GBP6: variants seen among roughly 807,000 people sequenced by gnomAD.
GBP6 encodes guanylate-binding protein 6.
Under a neutral mutation model 61.5 loss-of-function variants are expected in GBP6, and 54 were observed. That is an observed-to-expected ratio of 0.88 (90% CI 0.71 to 1.10). The LOEUF (loss-of-function observed/expected upper bound fraction) is 1.10, where lower values mean the gene tolerates loss of function less well. GBP6 is among the 50% of genes least tolerant of loss of function. GBP6 has a pLI of 0.00. For synonymous variants in GBP6, 255 were observed against 273.7 expected (o/e 0.93, Z 0.67); for missense variants, 748 against 752.8 (o/e 0.99, Z 0.07).
At chr1:89,376,975 A>G (rs1055728724) in intron 3 of GBP6, among the ~76,000 whole-genome samples, 2 of 152,140 alleles carry the variant, frequency 1.3e-5, no homozygotes, top group African/African-American at 4.8e-5. Context: ...ATCCTCATTG[A>G]TTACTTTTTT....
rs1653184724 is a variant in GBP6 at position 89,387,995 on chromosome 1, G to A, written c.*2526G>A. Among the ~76,000 whole-genome samples, 1 of 152,112 alleles carries A rather than the reference G, an allele frequency of 6.6e-6. No homozygotes were observed. The highest frequency in any genetic ancestry group is 1.5e-5 in the Non-Finnish European group (1 of 68,012). On this transcript the variant is annotated 3_prime_UTR_variant, in exon 11 of 11. Transcript: ENST00000370456. Reference sequence around the variant, plus strand: ...TATGAGAAGAAAATAAATTTTCCTGGTATAGTGTCCTTCTCTAGACCTCAT... The same window carrying A: ...TATGAGAAGAAAATAAATTTTCCTGATATAGTGTCCTTCTCTAGACCTCAT...
chr1:89,369,136 T>A (rs1233941503), intron 2 of GBP6, among the ~76,000 whole-genome samples: 1 of 152,204 alleles, frequency 6.6e-6, no homozygotes, highest in Non-Finnish European at 1.5e-5. Flanking sequence ...CACCAACTTC[T>A]GTTTTGTTTT....
intron 6 of GBP6, among the ~76,000 whole-genome samples, chr1:89,381,378 G>A (rs114399500): frequency 0.014 from 2,195 of 151,520 alleles, 60 homozygotes; most frequent in African/African-American, 0.051. Context: ...GATTTACCCT[G>A]CCTCATTTTA....
At chr1:89,377,962 C>A in intron 3 of GBP6, 141 bp from the exon 4 acceptor site, 1 of 716,658 alleles carries the variant, frequency 1.4e-6, no homozygotes, top group Non-Finnish European at 2.3e-6. Context: ...TTGTAACAAA[C>A]TGTTGTTTAC....
chr1:89,375,884 A>G (rs1570465868), intron 3 of GBP6, among the ~76,000 whole-genome samples: 1 of 152,114 alleles, frequency 6.6e-6, no homozygotes, highest in East Asian at 1.9e-4. Context: ...TTACGGCTTC[A>G]TATCTTTTTT....
In GBP6 at chr1:89,378,572, C is replaced by T. The variant is rs1415320555; in HGVS notation, c.584C>T (p.Thr195Ile). The T allele has an allele frequency of 1.9e-6, 3 of 1,613,760 alleles. No homozygotes were observed. Among genetic ancestry groups the T allele is most frequent in the African/African-American group, 2.7e-5 (2 of 74,890 alleles). Residue 195 changes from threonine to isoleucine, a missense_variant, in exon 5 of 11, where the codon ACA becomes ATA. Coordinates refer to ENST00000370456, the MANE Select transcript of GBP6 (RefSeq NM_198460.3). ...CTGAAGTTGAACGGTCACCCTATCA[C>T]AGAAGATGAATACCTGGAGAATGCC... ...LELKLNGHPITEDEYLENALK... is the reference protein window; with the variant it reads ...LELKLNGHPIIEDEYLENALK...
intron 3 of GBP6, among the ~76,000 whole-genome samples, chr1:89,373,668 G>A (rs1252841549): frequency 2.0e-5 from 3 of 152,088 alleles, no homozygotes; most frequent in Non-Finnish European, 4.4e-5. Context: ...CCTGTCGTGA[G>A]GTGGCAGGAG....
At position 89,368,727 on chromosome 1, in the gene GBP6, C is replaced by A. The variant is rs778181262; in HGVS notation, c.176C>A (p.Ala59Glu). Residue 59 changes from alanine (A) to glutamate (E), a missense_variant, in exon 2 of 11, where the codon GCA (alanine) becomes GAA (glutamate). Physicochemically the swap from Ala to Glu is moderately radical, Grantham distance 107. Transcript: ENST00000370456. Reference sequence around the variant, plus strand: ...AAATCCTACTTGATGAACCATCTGGCAGGACAGAATCATGGTAAGTGGTAT... The same window carrying A: ...AAATCCTACTTGATGAACCATCTGGAAGGACAGAATCATGGTAAGTGGTAT... ...TGKSYLMNHLAGQNHGFPLGS... is the reference protein window; with the variant it reads ...TGKSYLMNHLEGQNHGFPLGS... The A allele has an allele frequency of 2.5e-6, 4 of 1,612,940 alleles. No homozygotes were observed. The South Asian group carries it at 4.4e-5, about 18-fold the overall frequency.
intron 6 of GBP6, 62 bp downstream of exon 6, chr1:89,380,693 T>C (rs1652953364): frequency 6.6e-7 from 1 of 1,508,466 alleles, no homozygotes; most frequent in East Asian, 2.3e-5. Flanking sequence ...GTATAATGTG[T>C]TTCTCAGAAT....
At position 89,378,214 on chromosome 1, in the gene GBP6, T is replaced by C. The variant is rs1652861289; in HGVS notation, c.428+2T>C. On this transcript the variant is annotated splice_donor_variant, in intron 4 of 10. Coordinates refer to ENST00000370456, the MANE Select transcript of GBP6 (RefSeq NM_198460.3). LOFTEE classifies it high-confidence loss of function. ...CCACCAGGCCCTGGAGCAGCTGCAGTATCCTTCCAGGAACAGAACAGAACC... is the reference window on the plus strand; with the variant it reads ...CCACCAGGCCCTGGAGCAGCTGCAGCATCCTTCCAGGAACAGAACAGAACC... 2 of 1,607,916 alleles carry C rather than the reference T, an allele frequency of 1.2e-6. No homozygotes were observed. Among genetic ancestry groups the C allele is most frequent in the African/African-American group, 2.7e-5 (2 of 74,468 alleles).
intron 7 of GBP6, among the ~76,000 whole-genome samples, chr1:89,382,388 C>A (rs561324303): frequency 6.6e-6 from 1 of 152,162 alleles, no homozygotes; most frequent in Non-Finnish European, 1.5e-5. Flanking sequence ...CAGGATGATA[C>A]CATTGCAACA....
intron 10 of GBP6, 129 bp downstream of exon 10, chr1:89,384,415 G>C: frequency 3.0e-6 from 2 of 663,478 alleles, no homozygotes; most frequent in South Asian, 2.4e-5. Flanking sequence ...ATCACTAAAA[G>C]CCCTGAATCC....
In GBP6 at chr1:89,381,796, C is replaced by G. The variant is rs751920580; in HGVS notation, c.974C>G (p.Ala325Gly). 16 of 1,614,132 alleles carry G rather than the reference C, an allele frequency of 9.9e-6. No individual in the cohort carries two copies. Among genetic ancestry groups the G allele is most frequent in the Non-Finnish European group, 1.4e-5 (16 of 1,180,008 alleles). Residue 325 changes from alanine to glycine, a missense_variant, in exon 7 of 11, where the codon GCG becomes GGG. Physicochemically the swap from Ala to Gly is moderately conservative, Grantham distance 60. Transcript: ENST00000370456. ...ACTCTGGCCCAGCGTGAGAACTCAG[C>G]GGCCGTGCAGAGGGCAGCTGACTAC... ...VITLAQRENS[A>G]AVQRAADYYS...
Position 89,385,562 on chromosome 1 carries a change from CT to C in GBP6, c.*95del. On this transcript the variant is annotated 3_prime_UTR_variant, in exon 11 of 11. Transcript: ENST00000370456. ...GCAAGTTTTTTTTTTTTTTCAGAGT[CT>C]TACTCTGTTGCCCAGGCTGGAGTAC... 1 of 1,140,148 alleles carries C rather than the reference CT, an allele frequency of 8.8e-7. No individual in the cohort carries two copies. The highest frequency in any genetic ancestry group is 1.2e-6 in the Non-Finnish European group (1 of 830,704). 70.6% of individuals were successfully genotyped at this position (1,140,148 alleles called of 1,614,324 possible). A position where few individuals can be genotyped will look rare whatever the true frequency, so the allele number is the denominator to read the frequency against.
intron 3 of GBP6, among the ~76,000 whole-genome samples, chr1:89,373,377 G>A (rs1486548448): frequency 6.6e-6 from 1 of 152,124 alleles, no homozygotes; most frequent in African/African-American, 2.4e-5. Flanking sequence ...TATGTTTATT[G>A]CGGCACTATT....
At chr1:89,368,918 T>C (rs2100657940) in intron 2 of GBP6, among the ~76,000 whole-genome samples, 177 bp downstream of exon 2, 1 of 152,298 alleles carries the variant, frequency 6.6e-6, no homozygotes, top group East Asian at 1.9e-4. Context: ...TCATATTTTT[T>C]CCCTCATTCC....
At position 89,369,498 on chromosome 1, in the gene GBP6, T is replaced by A. The variant is rs142562241; in HGVS notation, c.191-48T>A. On this transcript the variant is annotated intron_variant, in intron 2 of 10. Coordinates refer to ENST00000370456, the MANE Select transcript of GBP6 (RefSeq NM_198460.3). ...TCTGATGCTGTGGCCCCAGGGCGGC[T>A]TGGCTGCTCTGCTGTCCCTGTGCTT... is the stretch of plus-strand genomic sequence containing the variant. 552 of 1,587,592 alleles carry A rather than the reference T, an allele frequency of 3.5e-4. 4 individuals are homozygous for A. In the African/African-American group the frequency reaches 6.2e-3, roughly 18 times the overall value.
chr1:89,368,671 G>A lies in GBP6; in HGVS notation c.120G>A (p.Val40=). The A allele has an allele frequency of 1.2e-6, 2 of 1,614,178 alleles. No individual in the cohort carries two copies. The highest frequency in any genetic ancestry group is 2.2e-5 in the East Asian group (1 of 44,886). Residue 40 remains valine, a synonymous_variant, in exon 2 of 11, where the codon GTG becomes GTA. Transcript: ENST00000370456. ...AAAAGATTTCTCAGCCAGTGGTGGTGGTGGCCATTGTAGGACTGTACCGTA... is the reference window on the plus strand; with the variant it reads ...AAAAGATTTCTCAGCCAGTGGTGGTAGTGGCCATTGTAGGACTGTACCGTA... ...ILEKISQPVV[V]VAIVGLYRTG... is the part of the protein sequence containing the mutation.
chr1:89,369,774 C>G, intron 3 of GBP6, 101 bp downstream of exon 3: 4 of 1,382,724 alleles, frequency 2.9e-6, no homozygotes, highest in Non-Finnish European at 2.9e-6. Context: ...CCAACTATAG[C>G]AAATAAGGCA....
Sources: gnomAD v4.1 joint callset for allele counts (sites outside exome capture counted in the v4.1 genomes callset) on GRCh38, gnomAD v4.1.1 for gene constraint, MANE v1.5 for transcripts, NCBI Gene and HGNC (gene_info 2026-07-23, HGNC 2026-07-21) for gene names.